L3MBTL4: variants seen among roughly 807,000 people sequenced by gnomAD.
L3MBTL4 encodes L3MBTL histone methyl-lysine binding protein 4.
In L3MBTL4, 70 loss-of-function variants were observed where a neutral mutation model predicts 84.5. That is an observed-to-expected ratio of 0.83 (90% CI 0.68 to 1.01). The LOEUF is 1.01. Among genes scored for constraint, L3MBTL4 ranks in the 50% least tolerant of loss-of-function variants. The pLI, the probability that L3MBTL4 is intolerant of heterozygous loss-of-function variation, is 0.00. For missense variants in L3MBTL4, 715 were observed against 754.8 expected, an observed-to-expected ratio of 0.95 and a Z score of 0.62; for synonymous variants, 274 against 259.8, an observed-to-expected ratio of 1.05 and a Z score of -0.52.
At chr18:6,398,818 G>A (rs4798442) in intron 1 of L3MBTL4, among the ~76,000 whole-genome samples, 2 of 151,682 alleles carry the variant, frequency 1.3e-5, no homozygotes, top group African/African-American at 4.8e-5. Context: ...GTAGAGGCCC[G>A]AAAGACATGC....
chr18:6,356,714 C>T (rs2053462836), intron 1 of L3MBTL4: 1 of 152,156 alleles, frequency 6.6e-6, no homozygotes, highest in South Asian at 2.1e-4. Flanking sequence ...CTGGGAGTTG[C>T]TCTGGGTGGA....
At chr18:6,073,211 A>T (rs2057746500) in intron 16 of L3MBTL4, among the ~76,000 whole-genome samples, 1 of 151,682 alleles carries the variant, frequency 6.6e-6, no homozygotes, top group South Asian at 2.1e-4. Context: ...ACGCACAAGC[A>T]CATAAACATC....
intron 1 of L3MBTL4, among the ~76,000 whole-genome samples, chr18:6,412,346 G>T (rs2056002479): frequency 6.6e-6 from 1 of 152,226 alleles, no homozygotes; most frequent in Admixed American, 6.5e-5. Context: ...ACCAGCAGCA[G>T]CATTCTTTCT....
chr18:6,086,802 C>T (rs1481072277), intron 15 of L3MBTL4, among the ~76,000 whole-genome samples: 1 of 152,186 alleles, frequency 6.6e-6, no homozygotes, highest in Non-Finnish European at 1.5e-5. Context: ...CTTTATTCCT[C>T]TTCCATCTCC....
intron 16 of L3MBTL4, among the ~76,000 whole-genome samples, chr18:6,075,821 T>C (rs547052865): frequency 6.6e-6 from 1 of 151,976 alleles, no homozygotes; most frequent in Non-Finnish European, 1.5e-5. Flanking sequence ...AAAAAGACAA[T>C]GTAAAAGACA....
intron 1 of L3MBTL4, among the ~76,000 whole-genome samples, chr18:6,404,821 G>A (rs1183523742): frequency 6.6e-6 from 1 of 151,898 alleles, no homozygotes; most frequent in East Asian, 1.9e-4. Context: ...ACGTAGCTGG[G>A]ACCACAGGTA....
intron 13 of L3MBTL4, among the ~76,000 whole-genome samples, chr18:6,154,547 C>T (rs182950168): frequency 6.6e-6 from 1 of 152,114 alleles, no homozygotes; most frequent in Non-Finnish European, 1.5e-5. Context: ...ATATGTTCCT[C>T]CAGTGTGAGC....
intron 16 of L3MBTL4, among the ~76,000 whole-genome samples, chr18:6,014,397 T>C (rs1483356432): frequency 6.6e-6 from 1 of 152,130 alleles, no homozygotes; most frequent in African/African-American, 2.4e-5. Flanking sequence ...GAGCACACAA[T>C]TATGCAAGCA....
At chr18:6,033,496 C>T (rs879238498) in intron 16 of L3MBTL4, among the ~76,000 whole-genome samples, 2 of 152,136 alleles carry the variant, frequency 1.3e-5, no homozygotes, top group Non-Finnish European at 2.9e-5. Flanking sequence ...TAGAGACTTA[C>T]GTCATCTTGC....
intron 13 of L3MBTL4, among the ~76,000 whole-genome samples, chr18:6,163,262 G>A (rs1256578452): frequency 9.5e-6 from 1 of 105,286 alleles, no homozygotes; most frequent in Non-Finnish European, 2.1e-5. Context: ...GTGTGTGTGG[G>A]GGGGGGGTGG....
chr18:6,356,785 T>G (rs2053466780), intron 1 of L3MBTL4: 1 of 152,208 alleles, frequency 6.6e-6, no homozygotes, highest in African/African-American at 2.4e-5. Flanking sequence ...TGCTGTAGAC[T>G]TTATGAACAC....
In L3MBTL4 at chr18:5,954,739, C is replaced by G. The variant is rs1198110571; in HGVS notation, c.*1481G>C. 2 of 152,070 alleles carry G rather than the reference C, an allele frequency of 1.3e-5. No homozygotes were observed. Among genetic ancestry groups the G allele is most frequent in the Non-Finnish European group, 2.9e-5 (2 of 68,026 alleles). The allele number at this position is 152,070 out of a possible 1,614,324, so 9.4% of individuals were successfully genotyped here. Reference sequence around the variant, plus strand: ...AAATTTTGTTTTCTCTGTTTATTATCATTTAAAATATATTAAAATTTTAAC... The same window carrying G: ...AAATTTTGTTTTCTCTGTTTATTATGATTTAAAATATATTAAAATTTTAAC... On this transcript the variant is annotated 3_prime_UTR_variant, in exon 19 of 19. Transcript: ENST00000317931.
intron 15 of L3MBTL4, chr18:6,082,264 A>G (rs1325102066): frequency 2.0e-5 from 3 of 152,174 alleles, no homozygotes; most frequent in East Asian, 3.8e-4. Context: ...TTCAATATAT[A>G]TAATTTTAAT....
chr18:6,058,692 G>A (rs1217273284), intron 16 of L3MBTL4, among the ~76,000 whole-genome samples: 2 of 152,144 alleles, frequency 1.3e-5, no homozygotes, highest in Non-Finnish European at 2.9e-5. Flanking sequence ...TGGGAGGAAT[G>A]ATGAATAAAG....
At chr18:5,990,453 T>C (rs1455612239) in intron 16 of L3MBTL4, among the ~76,000 whole-genome samples, 2 of 152,330 alleles carry the variant, frequency 1.3e-5, no homozygotes, top group African/African-American at 2.4e-5. Flanking sequence ...AAAACACTTG[T>C]AGAAAAGAAT....
chr18:6,334,089 G>C lies in L3MBTL4; in HGVS notation c.-90-22033C>G, dbSNP rs341188. Among the ~76,000 whole-genome samples, 515 of 152,308 alleles carry C rather than the reference G, an allele frequency of 3.4e-3. 2 individuals are homozygous for C. Among genetic ancestry groups the C allele is most frequent in the African/African-American group, 0.012 (500 of 41,576 alleles). ...TTGCAGTGCTGCTAACCAGGTAGTG[G>C]TTCTTATGTAGTCATCACTGCCTGC... On this transcript the variant is annotated intron_variant, in intron 1 of 18. Transcript: ENST00000317931.
intron 1 of L3MBTL4, among the ~76,000 whole-genome samples, chr18:6,373,238 T>A (rs550351424): frequency 5.9e-5 from 9 of 152,216 alleles, no homozygotes; most frequent in Non-Finnish European, 1.3e-4. Context: ...TGCTGGGAAC[T>A]GGAGAGCTTG....
At chr18:6,038,368 C>T (rs1262645296) in intron 16 of L3MBTL4, among the ~76,000 whole-genome samples, 1 of 151,274 alleles carries the variant, frequency 6.6e-6, no homozygotes, top group Non-Finnish European at 1.5e-5. Context: ...ATTCTCCTGC[C>T]TCAGCCTCCG....
chr18:6,355,937 G>A (rs1294944934), intron 1 of L3MBTL4, among the ~76,000 whole-genome samples: 1 of 151,950 alleles, frequency 6.6e-6, no homozygotes, highest in Non-Finnish European at 1.5e-5. Context: ...TCCCCAGCAG[G>A]GTTGGTCACC....
Sources: allele counts gnomAD v4.1 joint callset (sites outside exome capture counted in the v4.1 genomes callset), GRCh38; gene constraint gnomAD v4.1.1; transcripts MANE v1.5; gene names NCBI Gene and HGNC (gene_info 2026-07-23, HGNC 2026-07-21).